Variants in LRRC37B observed in about 807,000 individuals in gnomAD.
LRRC37B encodes the protein leucine rich repeat containing 37B.
Under a neutral mutation model 98.3 loss-of-function variants are expected in LRRC37B, and 28 were observed. That is an observed-to-expected ratio of 0.28 (90% CI 0.21 to 0.39). The LOEUF (loss-of-function observed/expected upper bound fraction) is 0.39. Among genes scored for constraint, LRRC37B ranks in the 10% least tolerant of loss-of-function variants. The pLI is 1.00. For synonymous variants in LRRC37B, 364 were observed against 442.7 expected, an observed-to-expected ratio of 0.82 and a Z score of 2.23; for missense variants, 938 against 1,182.7, an observed-to-expected ratio of 0.79 and a Z score of 3.03.
intron 11 of LRRC37B, chr17:32,052,511 G>A (rs1031799943): frequency 6.6e-6 from 1 of 152,144 alleles, no homozygotes; most frequent in African/African-American, 2.4e-5. Flanking sequence ...CCAGCTGCAT[G>A]CAAGACCCTA....
exon 8 of LRRC37B, chr17:32,045,788 A>G: frequency 6.2e-7 from 1 of 1,600,252 alleles, no homozygotes; most frequent in Non-Finnish European, 8.5e-7. Context: ...GCATTGCAAC[A>G]CTGCATGTCT....
intron 2 of LRRC37B, among the ~76,000 whole-genome samples, chr17:32,027,349 T>TTG (rs985580346): frequency 6.7e-6 from 1 of 150,060 alleles, no homozygotes; most frequent in East Asian, 2.0e-4. Flanking sequence ...GTGTGCTTGC[T>TTG]TGTGTGTGTG....
At chr17:32,027,801 C>A (rs146503923) in exon 3 of LRRC37B, 151 of 1,607,218 alleles carry the variant, frequency 9.4e-5, no homozygotes, top group East Asian at 4.3e-4. Context: ...ACTGAATTAC[C>A]TAAGGATTCA....
exon 1 of LRRC37B, chr17:32,022,175 C>T: frequency 6.2e-7 from 1 of 1,613,886 alleles, no homozygotes; most frequent in Non-Finnish European, 8.5e-7. Context: ...AGTTTACAGT[C>T]AAACCTGCAG....
chr17:32,011,851 C>T (rs1466654960), intron 1 of LRRC37B, among the ~76,000 whole-genome samples: 1 of 152,154 alleles, frequency 6.6e-6, no homozygotes, highest in East Asian at 1.9e-4. Context: ...GTTTTATTTT[C>T]ATTTTCATTT....
rs1340222168 is a variant in LRRC37B at position 32,045,911 on chromosome 17, G to GAT, written c.2323+97_2323+98dup. On this transcript the variant is annotated intron_variant, in intron 8 of 11. Coordinates refer to ENST00000327564, the Ensembl canonical transcript of LRRC37B. ...TTAATTGATGAAATTTTAAGCTGAT[G>GAT]ATATAATTGTTTTATTTACTCAGTC... 6 of 1,330,430 alleles carry GAT rather than the reference G, an allele frequency of 4.5e-6. No individual in the cohort carries two copies. In the African/African-American group the frequency reaches 7.4e-5, roughly 16 times the overall value. 82.4% of individuals were successfully genotyped at this position (1,330,430 alleles called of 1,614,324 possible). A position where few individuals can be genotyped will look rare whatever the true frequency, so the allele number is the denominator to read the frequency against.
chr17:32,044,007 A>G (rs1911513485), intron 7 of LRRC37B, among the ~76,000 whole-genome samples: 1 of 151,586 alleles, frequency 6.6e-6, no homozygotes, highest in South Asian at 2.1e-4. Context: ...TACTATTATA[A>G]TGACAAGGCC....
At chr17:32,046,601 T>TTC (rs1911589233) in intron 8 of LRRC37B, among the ~76,000 whole-genome samples, 1 of 145,612 alleles carries the variant, frequency 6.9e-6, no homozygotes, top group Admixed American at 6.9e-5. Context: ...CTTTTTTTCT[T>TTC]TTTTTTTTTT....
chr17:32,045,768 C>T lies in LRRC37B; in HGVS notation c.2273C>T (p.Thr758Ile), dbSNP rs781365217. The T allele has an allele frequency of 1.9e-6, 3 of 1,601,084 alleles. No individual in the cohort carries two copies. In the African/African-American group the frequency reaches 4.0e-5, roughly 21 times the overall value. The change falls in exon 8 of 12, where the codon ACA (threonine) becomes ATA (isoleucine). Residue 758 changes from threonine (T) to isoleucine (I), a missense_variant. This residue lies in a region of LRRC37B where 328 missense variants were observed against 557.0 expected (regional missense o/e 0.59). Transcript: ENST00000327564. Reference sequence around the variant, plus strand: ...AATAGCATTGAGGCTGTCTGCAAGACAGTCAAGCTGCATTGCAACACTGCA... The same window carrying T: ...AATAGCATTGAGGCTGTCTGCAAGATAGTCAAGCTGCATTGCAACACTGCA...
In LRRC37B at chr17:32,011,670, G is replaced by T. The variant is rs545899070; in HGVS notation, c.-191+3538G>T. On this transcript the variant is annotated intron_variant, in intron 1 of 14. Coordinates refer to the LRRC37B transcript ENST00000543378. Reference sequence around the variant, plus strand: ...CCACCACCACGCCCAGCTAATTTTGGATTTTTAGTAGAGATGGGGTTTCAC... The same window carrying T: ...CCACCACCACGCCCAGCTAATTTTGTATTTTTAGTAGAGATGGGGTTTCAC... 7.2e-4 allele frequency among the ~76,000 whole-genome samples: 109 copies of T among 150,856 alleles called. 1 individual carries two copies. The highest frequency in any genetic ancestry group is 2.6e-3 in the African/African-American group (107 of 41,070).
intron 7 of LRRC37B, chr17:32,035,862 G>C (rs1224861776): frequency 4.7e-6 from 2 of 422,790 alleles, no homozygotes; most frequent in African/African-American, 4.2e-5. Context: ...ATTTCCCTTT[G>C]TAGGCAATCC....
At chr17:32,051,398 A>G (rs1023072930) in intron 11 of LRRC37B, 6 of 151,104 alleles carry the variant, frequency 4.0e-5, no homozygotes, top group African/African-American at 7.3e-5. Context: ...GGAGAATGGC[A>G]TGAACCTGGG....
In LRRC37B at chr17:32,041,117, C is replaced by T. The variant is rs768167332; in HGVS notation, c.2205-4583C>T. ...ACTACCACTGGCAGGCCATGCAGAT[C>T]CTGGACGAGCTGGCAGAGAAGCTCA... On this transcript the variant is annotated intron_variant, in intron 7 of 11. Coordinates refer to ENST00000327564, the Ensembl canonical transcript of LRRC37B. 3.9e-6 allele frequency: 3 copies of T among 767,126 alleles called. No individual in the cohort carries two copies. The South Asian group carries it at 4.1e-5, about 10-fold the overall frequency. The allele number at this position is 767,126 out of a possible 1,614,324, so 47.5% of individuals were successfully genotyped here. A position where few individuals can be genotyped will look rare whatever the true frequency, so the allele number is the denominator to read the frequency against.
chr17:32,019,417 A>T (rs576940746), upstream of LRRC37B, among the ~76,000 whole-genome samples: 1 of 152,358 alleles, frequency 6.6e-6, no homozygotes, highest in East Asian at 1.9e-4. Context: ...GTAAGTATAC[A>T]CTATGATGTT....
intron 7 of LRRC37B, among the ~76,000 whole-genome samples, chr17:32,038,422 G>A (rs149127806): frequency 9.6e-4 from 146 of 152,232 alleles, no homozygotes; most frequent in African/African-American, 3.3e-3. Context: ...GATCACCACC[G>A]CACTCCAGCC....
chr17:32,038,840 A>C (rs1454148747), intron 7 of LRRC37B, among the ~76,000 whole-genome samples: 2 of 152,224 alleles, frequency 1.3e-5, no homozygotes, highest in Non-Finnish European at 2.9e-5. Context: ...CCTGGGCAAC[A>C]GAGTGAGACT....
chr17:32,022,350 G>A, exon 1 of LRRC37B: 1 of 1,613,976 alleles, frequency 6.2e-7, no homozygotes, highest in Non-Finnish European at 8.5e-7. Context: ...TCCACCTTCA[G>A]ACAAGGGTCA....
At chr17:32,036,976 ATTTTTTTTT>A (rs71360793) in intron 7 of LRRC37B, among the ~76,000 whole-genome samples, 30 of 51,698 alleles carry the variant, frequency 5.8e-4, no homozygotes, top group African/African-American at 1.9e-3. Flanking sequence ...CATCTTCAGC[ATTTTTTTTT>A]TTTTTTTTTT....
upstream of LRRC37B, chr17:32,007,740 C>G: frequency 8.4e-7 from 1 of 1,194,158 alleles, no homozygotes; most frequent in Non-Finnish European, 1.0e-6. The surrounding 1 kb of genome is among the most constrained non-coding windows in gnomAD (Gnocchi z 4.1). Context: ...GCGGTAGTAG[C>G]CGGGGCAGGT....
Sources: allele counts gnomAD v4.1 joint callset (sites outside exome capture counted in the v4.1 genomes callset), GRCh38; gene constraint gnomAD v4.1.1; regional missense constraint gnomAD v4.1.1; non-coding constraint Gnocchi (gnomAD v3.1); transcripts MANE v1.5; gene names NCBI Gene and HGNC (gene_info 2026-07-23, HGNC 2026-07-21).